NLGN1: variants seen among roughly 807,000 people sequenced by gnomAD.
NLGN1 encodes neuroligin-1.
A neutral mutation model predicts 65.5 loss-of-function variants in NLGN1; 12 were observed. The observed-to-expected ratio is 0.18, with a 90% confidence interval of 0.12 to 0.30. The LOEUF (loss-of-function observed/expected upper bound fraction) is 0.30. Among genes scored for constraint, NLGN1 ranks in the 10% least tolerant of loss-of-function variants. The probability of loss-of-function intolerance (pLI) is 1.00; values close to 1 mark genes in which losing one functional copy is unlikely to be tolerated. For missense variants in NLGN1, 750 were observed against 1,007.1 expected, an observed-to-expected ratio of 0.74 and a Z score of 3.46; for synonymous variants, 350 against 359.5, an observed-to-expected ratio of 0.97 and a Z score of 0.30.
At chr3:174,133,757 C>T (rs190015558) in intron 4 of NLGN1, among the ~76,000 whole-genome samples, 2 of 152,152 alleles carry the variant, frequency 1.3e-5, no homozygotes, top group South Asian at 4.2e-4. Flanking sequence ...GGCAGATTGT[C>T]GGAAGTCCCA....
chr3:173,584,372 T>C (rs1036007188), intron 2 of NLGN1, among the ~76,000 whole-genome samples: 15 of 145,084 alleles, frequency 1.0e-4, no homozygotes, highest in African/African-American at 3.5e-4. Flanking sequence ...TAGAAACCTA[T>C]ATTAGGGTAA....
At chr3:174,074,328 T>G (rs1740476001) in intron 4 of NLGN1, among the ~76,000 whole-genome samples, 1 of 152,220 alleles carries the variant, frequency 6.6e-6, no homozygotes, top group Non-Finnish European at 1.5e-5. Flanking sequence ...TATTTATGGT[T>G]AAGCTTCTGT....
intron 4 of NLGN1, among the ~76,000 whole-genome samples, chr3:174,191,482 C>T (rs879304202): frequency 9.2e-5 from 14 of 152,128 alleles, no homozygotes; most frequent in Admixed American, 5.9e-4. Flanking sequence ...ATTTGCTACA[C>T]TGTTTGTCTC....
At chr3:174,184,238 A>C (rs1730992895) in intron 4 of NLGN1, among the ~76,000 whole-genome samples, 1 of 152,186 alleles carries the variant, frequency 6.6e-6, no homozygotes, top group South Asian at 2.1e-4. Flanking sequence ...GTTACTCAGA[A>C]ATCTCACATT....
intron 3 of NLGN1, among the ~76,000 whole-genome samples, chr3:173,752,681 G>A (rs151049263): frequency 6.6e-6 from 1 of 152,050 alleles, no homozygotes; most frequent in East Asian, 1.9e-4. Flanking sequence ...CACTAAACAT[G>A]GCAGGAAAAC....
At chr3:174,275,093 A>AGTT (rs974795307) in intron 4 of NLGN1, among the ~76,000 whole-genome samples, 4 of 151,766 alleles carry the variant, frequency 2.6e-5, no homozygotes, top group Admixed American at 1.3e-4. Context: ...TACCTGGATA[A>AGTT]GTTGGGAGGC....
Position 173,634,692 on chromosome 3 carries a change from C to G in NLGN1, c.493+29601C>G, listed in dbSNP as rs80345091. ...TTATTTATTGCATTTATAATTGAGTCTATTTACTGTTCTTACTAAGAACTA... is the reference window on the plus strand; with the variant it reads ...TTATTTATTGCATTTATAATTGAGTGTATTTACTGTTCTTACTAAGAACTA... On this transcript the variant is annotated intron_variant, in intron 3 of 6. Coordinates refer to ENST00000457714, the Ensembl canonical transcript of NLGN1. Among the ~76,000 whole-genome samples, 662 of 152,130 alleles carry G rather than the reference C, an allele frequency of 4.4e-3. 5 individuals carry two copies. Among genetic ancestry groups the G allele is most frequent in the African/African-American group, 0.015 (620 of 41,502 alleles).
At chr3:174,259,929 A>G (rs1010289654) in intron 4 of NLGN1, among the ~76,000 whole-genome samples, 4 of 142,004 alleles carry the variant, frequency 2.8e-5, no homozygotes, top group Admixed American at 7.3e-5. Flanking sequence ...GTGAGAATAT[A>G]CGGTGTTTGG....
intron 2 of NLGN1, among the ~76,000 whole-genome samples, chr3:173,453,030 G>T (rs955124976): frequency 6.6e-6 from 1 of 151,982 alleles, no homozygotes; most frequent in Non-Finnish European, 1.5e-5. Context: ...TGTCTTAATG[G>T]TGATGGCTGC....
chr3:173,668,507 G>A (rs897646903), intron 3 of NLGN1, among the ~76,000 whole-genome samples: 1 of 152,008 alleles, frequency 6.6e-6, no homozygotes, highest in African/African-American at 2.4e-5. Context: ...AGCTATCTGT[G>A]TATGTCTTTG....
At chr3:173,849,889 TTGA>T (rs1369112117) in intron 4 of NLGN1, among the ~76,000 whole-genome samples, 1 of 152,190 alleles carries the variant, frequency 6.6e-6, no homozygotes, top group Non-Finnish European at 1.5e-5. Context: ...TCATAGTTCA[TTGA>T]TACCACTGTG....
chr3:174,137,547 G>C (rs1230742787), intron 4 of NLGN1, among the ~76,000 whole-genome samples: 1 of 152,004 alleles, frequency 6.6e-6, no homozygotes, highest in African/African-American at 2.4e-5. Flanking sequence ...TGGATTGTTG[G>C]AAATCTCAAA....
intron 4 of NLGN1, among the ~76,000 whole-genome samples, chr3:174,030,577 G>A (rs1034725093): frequency 1.3e-5 from 2 of 152,180 alleles, no homozygotes; most frequent in Non-Finnish European, 2.9e-5. Flanking sequence ...TAATTTCAGA[G>A]AGTTAGCCTC....
chr3:173,528,815 C>T (rs1736075042), intron 2 of NLGN1, among the ~76,000 whole-genome samples: 1 of 152,138 alleles, frequency 6.6e-6, no homozygotes, highest in Non-Finnish European at 1.5e-5. Context: ...GTTTTTAAGA[C>T]ATCTATCTCT....
chr3:174,182,542 C>A (rs1474784242), intron 4 of NLGN1, among the ~76,000 whole-genome samples: 3 of 152,100 alleles, frequency 2.0e-5, no homozygotes, highest in African/African-American at 7.2e-5. Context: ...TTCAGTAGGT[C>A]TTGGGTAAGG....
At chr3:173,855,098 C>G (rs1396235460) in intron 4 of NLGN1, among the ~76,000 whole-genome samples, 2 of 151,916 alleles carry the variant, frequency 1.3e-5, no homozygotes, top group African/African-American at 4.8e-5. Context: ...ACTTTAGACG[C>G]TTTAACAGTG....
At chr3:173,964,619 T>C (rs1714381513) in intron 4 of NLGN1, among the ~76,000 whole-genome samples, 1 of 152,196 alleles carries the variant, frequency 6.6e-6, no homozygotes, top group Non-Finnish European at 1.5e-5. Context: ...AACTAATTTT[T>C]CTTGCTTTCT....
chr3:173,929,391 G>T (rs913713250), intron 4 of NLGN1, among the ~76,000 whole-genome samples: 1 of 151,920 alleles, frequency 6.6e-6, no homozygotes, highest in Non-Finnish European at 1.5e-5. Context: ...CAGCTAAGTT[G>T]TATGTTCACC....
intron 4 of NLGN1, among the ~76,000 whole-genome samples, chr3:173,889,895 A>G (rs1224141249): frequency 6.6e-6 from 1 of 152,128 alleles, no homozygotes; most frequent in Non-Finnish European, 1.5e-5. Context: ...AAATTCTTCA[A>G]GCTTACAGAC....
Sources: gnomAD v4.1 joint callset for allele counts (sites outside exome capture counted in the v4.1 genomes callset) on GRCh38, gnomAD v4.1.1 for gene constraint, MANE v1.5 for transcripts, NCBI Gene and HGNC (gene_info 2026-07-23, HGNC 2026-07-21) for gene names.